Variants in PLD1 observed in about 807,000 individuals in gnomAD.
PLD1 encodes the protein phospholipase D1.
PLD1 carries 112 observed loss-of-function variants against 137.1 expected under a neutral mutation model. The ratio of observed to expected loss-of-function variants is 0.82; its 90% confidence interval spans 0.70 to 0.96. The LOEUF is 0.96. Among genes scored for constraint, PLD1 ranks in the 40% least tolerant of loss-of-function variants. The probability of loss-of-function intolerance (pLI) is 0.00; values close to 1 mark genes in which losing one functional copy is unlikely to be tolerated. For missense variants in PLD1, 1,321 were observed against 1,342.0 expected (o/e 0.98, Z 0.24); for synonymous variants, 431 against 454.7 (o/e 0.95, Z 0.66).
chr3:171,677,354 A>G (rs1713483406), intron 17 of PLD1, among the ~76,000 whole-genome samples: 1 of 152,188 alleles, frequency 6.6e-6, no homozygotes, highest in Admixed American at 6.5e-5. Context: ...CAGACAGTTC[A>G]GCTCTATTTC....
intron 26 of PLD1, among the ~76,000 whole-genome samples, chr3:171,604,898 A>G (rs1732085558): frequency 6.6e-6 from 1 of 152,230 alleles, no homozygotes; most frequent in Admixed American, 6.5e-5. Context: ...GAAACTCAGA[A>G]AGTTAAGTCA....
intron 12 of PLD1, among the ~76,000 whole-genome samples, chr3:171,698,199 C>A (rs1007583534): frequency 6.6e-6 from 1 of 152,210 alleles, no homozygotes; most frequent in African/African-American, 2.4e-5. Flanking sequence ...AAGTTCGCCA[C>A]TGGCAAGGTT....
chr3:171,749,722 A>T (rs1019241967), intron 1 of PLD1, among the ~76,000 whole-genome samples: 1 of 152,202 alleles, frequency 6.6e-6, no homozygotes, highest in Non-Finnish European at 1.5e-5. Flanking sequence ...AGAAACAAAG[A>T]ACAAACTTCA....
At chr3:171,630,794 C>T (rs541862797) in intron 23 of PLD1, among the ~76,000 whole-genome samples, 19 of 141,926 alleles carry the variant, frequency 1.3e-4, no homozygotes, top group African/African-American at 4.3e-4. Context: ...TATTCTCACT[C>T]ATAGGTGGGA....
chr3:171,725,480 T>C lies in PLD1; in HGVS notation c.665+538A>G, dbSNP rs528453729. ...TGAAAAATTTGACAAGAAAAAGCAA[T>C]AACAAAGGCTAAACTTTAAAAAAAA... On this transcript the variant is annotated intron_variant, in intron 7 of 26. Coordinates refer to ENST00000351298, the MANE Select transcript of PLD1 (RefSeq NM_002662.5). Among the ~76,000 whole-genome samples the C allele has an allele frequency of 7.2e-5, 11 of 152,204 alleles. No homozygotes were observed. In the East Asian group the frequency reaches 2.1e-3, roughly 29 times the overall value.
At chr3:171,759,212 T>C (rs1721230273) in intron 1 of PLD1, among the ~76,000 whole-genome samples, 1 of 152,232 alleles carries the variant, frequency 6.6e-6, no homozygotes, top group African/African-American at 2.4e-5. Context: ...TATGCCTTAT[T>C]CAGGCAGAAG....
chr3:171,752,575 C>G (rs1720740356), intron 1 of PLD1, among the ~76,000 whole-genome samples: 1 of 152,184 alleles, frequency 6.6e-6, no homozygotes. Context: ...TTTCTCTGAG[C>G]CTGCACAGAC....
chr3:171,624,388 G>A (rs1225252953), intron 23 of PLD1, among the ~76,000 whole-genome samples: 1 of 152,218 alleles, frequency 6.6e-6, no homozygotes, highest in African/African-American at 2.4e-5. Flanking sequence ...AGTGAGAATG[G>A]GTTGAAGACA....
chr3:171,662,182 C>G lies in PLD1; in HGVS notation c.2230-12G>C, dbSNP rs1711567154. On this transcript the variant is annotated splice_polypyrimidine_tract_variant and intron_variant, in intron 19 of 26. Coordinates refer to ENST00000351298, the MANE Select transcript of PLD1 (RefSeq NM_002662.5). Reference sequence around the variant, plus strand: ...GCAGAGCGGAGCAACTACAAGGCAGCAATCAGAAATGAACAAGTATTAGCA... The same window carrying G: ...GCAGAGCGGAGCAACTACAAGGCAGGAATCAGAAATGAACAAGTATTAGCA... 1 of 1,509,436 alleles carries G rather than the reference C, an allele frequency of 6.6e-7. No individual in the cohort carries two copies. 93.5% of individuals were successfully genotyped at this position (1,509,436 alleles called of 1,614,324 possible). A position where few individuals can be genotyped will look rare whatever the true frequency, so the allele number is the denominator to read the frequency against.
At chr3:171,740,925 T>C (rs530250199) in intron 1 of PLD1, among the ~76,000 whole-genome samples, 3 of 152,326 alleles carry the variant, frequency 2.0e-5, no homozygotes, top group Admixed American at 1.3e-4. Flanking sequence ...ATAAAGCAGA[T>C]TTTGTCTGGC....
chr3:171,746,448 C>G (rs1013523505), intron 1 of PLD1, among the ~76,000 whole-genome samples: 2 of 152,130 alleles, frequency 1.3e-5, no homozygotes, highest in Non-Finnish European at 2.9e-5. Context: ...CCAATCAGTG[C>G]TCTGTGTCCA....
intron 1 of PLD1, among the ~76,000 whole-genome samples, chr3:171,803,972 C>T (rs933586971): frequency 6.6e-6 from 1 of 152,132 alleles, no homozygotes; most frequent in Non-Finnish European, 1.5e-5. Context: ...AAATATACTT[C>T]ATCCCCAAAT....
In PLD1 at chr3:171,733,497, C is replaced by A. The variant is rs1384357002; in HGVS notation, c.553G>T (p.Asp185Tyr). ...ATTTTTAGTATCTTTGTCAAGTAATCTTCCAGTTGTTTCTGTAATGCAAAT... is the reference window on the plus strand; with the variant it reads ...ATTTTTAGTATCTTTGTCAAGTAATATTCCAGTTGTTTCTGTAATGCAAAT... ...QFLGRRKQLE[D>Y]YLTKILKMPM... Residue 185 changes from aspartate to tyrosine, a missense_variant, in exon 6 of 27, where the codon GAT becomes TAT. By Grantham distance (160) the Asp-to-Tyr change is radical. Coordinates refer to ENST00000351298, the MANE Select transcript of PLD1 (RefSeq NM_002662.5). The A allele has an allele frequency of 7.7e-7, 1 of 1,296,340 alleles. No individual in the cohort carries two copies. The allele number at this position is 1,296,340 out of a possible 1,614,324, so 80.3% of individuals were successfully genotyped here.
In PLD1 at chr3:171,602,859, C is replaced by T. The variant is rs781159070; in HGVS notation, c.*219G>A. On this transcript the variant is annotated 3_prime_UTR_variant, in exon 27 of 27. Transcript: ENST00000351298. ...GTACATGCTACCAACAAGAATGCAG[C>T]CCCCTTTTTACAAGTTAGGCAGAAG... is the stretch of plus-strand genomic sequence containing the variant. The T allele has an allele frequency of 7.8e-5, 44 of 565,500 alleles. No homozygotes were observed. The highest frequency in any genetic ancestry group is 1.3e-4 in the Non-Finnish European group (41 of 317,484). The allele number at this position is 565,500 out of a possible 1,614,324, so 35.0% of individuals were successfully genotyped here.
chr3:171,627,861 G>C (rs924303534), intron 23 of PLD1, among the ~76,000 whole-genome samples: 8 of 152,078 alleles, frequency 5.3e-5, no homozygotes, highest in Admixed American at 5.2e-4. Flanking sequence ...ATTCAAAGCA[G>C]TGTGTAGAGG....
chr3:171,647,773 A>T (rs540110383), intron 21 of PLD1, among the ~76,000 whole-genome samples: 1 of 152,246 alleles, frequency 6.6e-6, no homozygotes, highest in Admixed American at 6.5e-5. Context: ...GTTCAGTGGC[A>T]TCAATTACAT....
At chr3:171,808,211 C>T (rs538898552) in intron 1 of PLD1, among the ~76,000 whole-genome samples, 92 of 152,084 alleles carry the variant, frequency 6.0e-4, no homozygotes, top group South Asian at 1.7e-3. Flanking sequence ...CATGTACCCC[C>T]TGTATCTAAA....
At chr3:171,670,485 T>C (rs952851066) in intron 19 of PLD1, among the ~76,000 whole-genome samples, 7 of 152,224 alleles carry the variant, frequency 4.6e-5, no homozygotes, top group Non-Finnish European at 4.4e-5. Context: ...GAGCAATTCA[T>C]TCCCTACTTA....
intron 1 of PLD1, among the ~76,000 whole-genome samples, chr3:171,790,761 T>C (rs997674655): frequency 6.6e-6 from 1 of 152,156 alleles, no homozygotes; most frequent in Non-Finnish European, 1.5e-5. Context: ...GGTGGCAGAT[T>C]GGAGAGCTCT....
Sources: gnomAD v4.1 joint callset for allele counts (sites outside exome capture counted in the v4.1 genomes callset) on GRCh38, gnomAD v4.1.1 for gene constraint, MANE v1.5 for transcripts, NCBI Gene and HGNC (gene_info 2026-07-23, HGNC 2026-07-21) for gene names.